Variants in STAG2 observed in about 807,000 individuals in gnomAD.
STAG2 encodes cohesin subunit SA-2.
In STAG2, 14 loss-of-function variants were observed where a neutral mutation model predicts 108.1. The ratio of observed to expected loss-of-function variants is 0.13; its 90% CI spans 0.09 to 0.20. The LOEUF (loss-of-function observed/expected upper bound fraction) is 0.20, where lower values mean the gene tolerates loss of function less well. Among genes scored for constraint, STAG2 ranks in the 10% least tolerant of loss-of-function variants. The pLI is 1.00. For missense variants in STAG2, 440 were observed against 940.9 expected (o/e 0.47, Z 6.96); for synonymous variants, 307 against 302.7 (o/e 1.01, Z -0.15).
In STAG2 at chrX:124,095,298, T is replaced by G. The variant is rs891947530; in HGVS notation, c.3706-74T>G. On this transcript the variant is annotated intron_variant, in intron 33 of 34. Coordinates refer to ENST00000371145, the MANE Select transcript of STAG2 (RefSeq NM_001042750.2). ...AATCACATAGACCATGTGAAGAACT[T>G]GGATATTTTCAGTTACTATCTGGTT... is the stretch of plus-strand genomic sequence containing the variant. The G allele has an allele frequency of 3.4e-5, 28 of 819,620 alleles. No homozygotes were observed. In the African/African-American group the frequency reaches 5.1e-4, roughly 15 times the overall value. 67.5% of individuals were successfully genotyped at this position (819,620 alleles called of 1,213,427 possible).
intron 1 of STAG2, among the ~76,000 whole-genome samples, chrX:123,962,461 T>A (rs1429476523): frequency 9.0e-6 from 1 of 111,500 alleles, no homozygotes; most frequent in Non-Finnish European, 1.9e-5. Context: ...TTTTAATCCT[T>A]AACTGTAATG....
In STAG2 at chrX:123,966,208, A is replaced by G. The variant is rs2054087427; in HGVS notation, c.-163+4352A>G. On this transcript the variant is annotated intron_variant, in intron 1 of 34. Transcript: ENST00000371145. ...CTGGGCACCATGGCTCACGCCTGTA[A>G]TCCTAGCACTTTGGAAGGCTGAGGC... Among the ~76,000 whole-genome samples, 6 of 110,122 alleles carry G rather than the reference A, an allele frequency of 5.4e-5. No homozygotes were observed. The Admixed American group carries it at 5.8e-4, about 11-fold the overall frequency.
chrX:124,037,637 A>G lies in STAG2; in HGVS notation c.385+14A>G, dbSNP rs369161298. ...CAGGCTGTAAAGGTAAGATATATTT[A>G]TTTTGAAATCAGCAGCTCTCAAATA... On this transcript the variant is annotated intron_variant, in intron 6 of 34. Transcript: ENST00000371145. The G allele has an allele frequency of 1.3e-5, 14 of 1,090,500 alleles. No homozygotes were observed. The highest frequency in any genetic ancestry group is 1.7e-5 in the Non-Finnish European group (14 of 803,337). The allele number at this position is 1,090,500 out of a possible 1,213,427, so 89.9% of individuals were successfully genotyped here.
intron 1 of STAG2, among the ~76,000 whole-genome samples, chrX:123,974,872 C>T (rs1021183958): frequency 1.8e-5 from 2 of 111,720 alleles, no homozygotes; most frequent in African/African-American, 6.5e-5. Context: ...CCACCACACC[C>T]GGCCTAGTAT....
At chrX:124,094,447 TTTAA>T (rs899056074) in intron 33 of STAG2, among the ~76,000 whole-genome samples, 2 of 111,823 alleles carry the variant, frequency 1.8e-5, no homozygotes, top group Admixed American at 9.5e-5. Flanking sequence ...TCAATTTTTA[TTTAA>T]TTATGCATTT....
chrX:124,075,850 A>T (rs901444345), intron 25 of STAG2, among the ~76,000 whole-genome samples: 1 of 111,803 alleles, frequency 8.9e-6, no homozygotes, highest in Non-Finnish European at 1.9e-5. Flanking sequence ...AGATTATTTT[A>T]AAAAGACAGA....
chrX:124,085,726 A>G (rs1461732528), intron 29 of STAG2, among the ~76,000 whole-genome samples: 1 of 100,311 alleles, frequency 1.0e-5, no homozygotes, highest in East Asian at 3.3e-4. Context: ...GTGAGCCGAG[A>G]TGGCACCACT....
At chrX:124,085,715 A>G in intron 29 of STAG2, among the ~76,000 whole-genome samples, 1 of 99,486 alleles carries the variant, frequency 1.0e-5, no homozygotes, top group Middle Eastern at 5.2e-3. Context: ...ACGGAGTTGC[A>G]GTGAGCCGAG....
At chrX:124,046,417 CAG>C (rs1245517567) in intron 8 of STAG2, among the ~76,000 whole-genome samples, 2 of 111,835 alleles carry the variant, frequency 1.8e-5, no homozygotes, top group East Asian at 2.8e-4. Flanking sequence ...TAAATTAAAA[CAG>C]GGATTATGGT....
intron 30 of STAG2, among the ~76,000 whole-genome samples, chrX:124,087,526 T>A: frequency 8.9e-6 from 1 of 111,842 alleles, no homozygotes; most frequent in Middle Eastern, 4.6e-3. Flanking sequence ...TATCTGATGC[T>A]GGCTGTCATT....
chrX:124,069,139 C>T (rs1014405409), intron 24 of STAG2, among the ~76,000 whole-genome samples: 1 of 111,756 alleles, frequency 8.9e-6, no homozygotes, highest in South Asian at 3.7e-4. Flanking sequence ...CTTCCCAACG[C>T]GTATGCCTTC....
intron 1 of STAG2, among the ~76,000 whole-genome samples, chrX:124,018,901 C>T (rs1294471655): frequency 1.8e-5 from 2 of 110,780 alleles, no homozygotes; most frequent in Non-Finnish European, 3.8e-5. Context: ...AACTACTAAT[C>T]CCAACTCATC....
At chrX:124,082,130 T>G (rs1434516565) in intron 28 of STAG2, among the ~76,000 whole-genome samples, 2 of 111,291 alleles carry the variant, frequency 1.8e-5, no homozygotes, top group African/African-American at 6.5e-5. Context: ...TATCAACTTT[T>G]GTCATGATCT....
rs138463867 is a variant in STAG2 at position 124,017,569 on chromosome X, C to A, written c.-162-3798C>A. 9.3e-3 allele frequency among the ~76,000 whole-genome samples: 1,030 copies of A among 111,346 alleles called. 15 individuals carry two copies. Among genetic ancestry groups the A allele is most frequent in the African/African-American group, 0.032 (964 of 30,529 alleles). On this transcript the variant is annotated intron_variant, in intron 1 of 34. Coordinates refer to ENST00000371145, the MANE Select transcript of STAG2 (RefSeq NM_001042750.2). Reference sequence around the variant, plus strand: ...TGGGGGGAAAAAAATTAAATCATATCAAAGCAAGATATTAGGATGTTTTGT... The same window carrying A: ...TGGGGGGAAAAAAATTAAATCATATAAAAGCAAGATATTAGGATGTTTTGT...
At position 124,066,119 on chromosome X, in the gene STAG2, GGCTTA is replaced by G. The variant is rs770238561; in HGVS notation, c.2097-51_2097-47del. On this transcript the variant is annotated intron_variant, in intron 21 of 34. Transcript: ENST00000371145. The stretch of plus-strand genomic sequence containing the variant: ...GTCAAGTCCAAAACAATTGTCATTA[GGCTTA>G]GCTTTTTAATAAAACTTAATTTTTT... 11 of 1,033,836 alleles carry G rather than the reference GGCTTA, an allele frequency of 1.1e-5. No individual in the cohort carries two copies. The Admixed American group carries it at 3.6e-4, about 33-fold the overall frequency. 85.2% of individuals were successfully genotyped at this position (1,033,836 alleles called of 1,213,427 possible). A position where few individuals can be genotyped will look rare whatever the true frequency, so the allele number is the denominator to read the frequency against.
At chrX:124,026,889 AATTT>A (rs2057121930) in intron 4 of STAG2, among the ~76,000 whole-genome samples, 1 of 111,203 alleles carries the variant, frequency 9.0e-6, no homozygotes, top group African/African-American at 3.3e-5. Context: ...TTTTAAATTA[AATTT>A]ATTTGTTTTT....
chrX:124,075,367 G>A (rs1569518722), intron 25 of STAG2, among the ~76,000 whole-genome samples: 1 of 111,414 alleles, frequency 9.0e-6, no homozygotes, highest in Non-Finnish European at 1.9e-5. Flanking sequence ...TCCACCTCCC[G>A]GGTTCAAGCA....
At chrX:124,025,960 T>A (rs776663704) in intron 4 of STAG2, 42 bp downstream of exon 4, 1 of 941,741 alleles carries the variant, frequency 1.1e-6, no homozygotes, top group Non-Finnish European at 1.5e-6. Context: ...TCCTAAGATC[T>A]CACACACACA....
intron 1 of STAG2, among the ~76,000 whole-genome samples, chrX:123,986,959 G>A (rs750590469): frequency 9.1e-6 from 1 of 109,555 alleles, no homozygotes; most frequent in Non-Finnish European, 1.9e-5. Flanking sequence ...GACTGGAGGT[G>A]TGCGCCACCA....
Sources: allele counts gnomAD v4.1 joint callset (sites outside exome capture counted in the v4.1 genomes callset), GRCh38; gene constraint gnomAD v4.1.1; transcripts MANE v1.5; gene names NCBI Gene and HGNC (gene_info 2026-07-23, HGNC 2026-07-21).